Variants in CLDN14 observed in about 807,000 individuals in gnomAD.
CLDN14 encodes claudin 14.
In CLDN14, 2 loss-of-function variants were observed where a neutral mutation model predicts 2.1. That is an observed-to-expected ratio of 0.96 (90% confidence interval 0.39 to 3.01). CLDN14 has a LOEUF of 3.01. Ranked by LOEUF, CLDN14 falls within the 30% of genes most tolerant of loss-of-function variation. The probability of loss-of-function intolerance (pLI) is 0.09; values close to 1 mark genes in which losing one functional copy is unlikely to be tolerated. For synonymous variants in CLDN14, 136 were observed against 154.4 expected, an observed-to-expected ratio of 0.88 and a Z score of 0.88; for missense variants, 298 against 328.0, an observed-to-expected ratio of 0.91 and a Z score of 0.71.
intron 2 of CLDN14, among the ~76,000 whole-genome samples, chr21:36,501,854 G>A (rs889446327): frequency 6.6e-6 from 1 of 151,942 alleles, no homozygotes; most frequent in African/African-American, 2.4e-5. Flanking sequence ...AAAAGTGAAT[G>A]TATTTTAGGA....
intron 2 of CLDN14, chr21:36,486,300 T>A: frequency 1.2e-6 from 1 of 800,826 alleles, no homozygotes; most frequent in South Asian, 1.4e-5. Flanking sequence ...GCCAAACTCT[T>A]GTTGGCTAAT....
intron 2 of CLDN14, among the ~76,000 whole-genome samples, chr21:36,488,424 G>A (rs985535318): frequency 3.0e-4 from 46 of 151,942 alleles, no homozygotes; most frequent in African/African-American, 7.5e-4. Flanking sequence ...GGCACGTGCC[G>A]CCATGCCCAG....
intron 2 of CLDN14, among the ~76,000 whole-genome samples, chr21:36,489,303 T>C (rs2086937479): frequency 6.6e-6 from 1 of 151,364 alleles, no homozygotes; most frequent in African/African-American, 2.4e-5. Flanking sequence ...GTCCACTTGT[T>C]TAGGAGTAAG....
At chr21:36,528,919 C>T (rs1340337883) in intron 1 of CLDN14, among the ~76,000 whole-genome samples, 3 of 152,304 alleles carry the variant, frequency 2.0e-5, no homozygotes, top group South Asian at 2.1e-4. Flanking sequence ...CTGAGGAGGA[C>T]GCGAGCTCGG....
At chr21:36,538,937 C>A (rs1438311279) in intron 1 of CLDN14, among the ~76,000 whole-genome samples, 1 of 152,206 alleles carries the variant, frequency 6.6e-6, no homozygotes, top group Non-Finnish European at 1.5e-5. Context: ...GAGTCCCAGT[C>A]GCGCCCCTGC....
In CLDN14 at chr21:36,486,332, G is replaced by A. The variant is rs780148893; in HGVS notation, c.-82+24031C>T. On this transcript the variant is annotated intron_variant, in intron 2 of 2. Transcript: ENST00000342108. ...TAATGGTCATCTTCAGCAGGACCTC[G>A]TCTGAGCCTTCAGTCCCAGTTGTAG... 45 of 828,852 alleles carry A rather than the reference G, an allele frequency of 5.4e-5. No individual in the cohort carries two copies. The Admixed American group carries it at 6.4e-4, about 12-fold the overall frequency. The allele number at this position is 828,852 out of a possible 1,614,324, so 51.3% of individuals were successfully genotyped here.
chr21:36,561,325 T>C (rs413852), intron 1 of CLDN14, among the ~76,000 whole-genome samples: 113,515 of 152,164 alleles, frequency 0.75, 43,932 homozygotes, highest in Non-Finnish European at 0.87. Flanking sequence ...GGCAGCCACA[T>C]GATGTCCATG....
intron 1 of CLDN14, among the ~76,000 whole-genome samples, chr21:36,555,719 A>G (rs983772860): frequency 6.6e-6 from 1 of 151,928 alleles, no homozygotes. Context: ...CTCCATTTTT[A>G]GCTTTACCAG....
intron 2 of CLDN14, among the ~76,000 whole-genome samples, chr21:36,485,556 C>T (rs544829461): frequency 7.2e-5 from 11 of 152,306 alleles, no homozygotes; most frequent in East Asian, 1.9e-4. Context: ...CTGTCACCAG[C>T]GATACCTGAG....
At chr21:36,476,457 T>A (rs2146441998) in intron 1 of CLDN14, among the ~76,000 whole-genome samples, 1 of 149,062 alleles carries the variant, frequency 6.7e-6, no homozygotes, top group Non-Finnish European at 1.5e-5. Context: ...GGATGACTAT[T>A]TTTTTTTTTT....
intron 1 of CLDN14, among the ~76,000 whole-genome samples, chr21:36,552,437 TTTATG>T (rs1188960978): frequency 1.3e-5 from 2 of 151,920 alleles, no homozygotes; most frequent in Non-Finnish European, 2.9e-5. Context: ...CACTTAGGGG[TTTATG>T]TTATATTTAT....
Position 36,460,675 on chromosome 21 carries a change from C to T in CLDN14, c.*301G>A. On this transcript the variant is annotated 3_prime_UTR_variant, in exon 2 of 2. Coordinates refer to ENST00000399135, the MANE Select transcript of CLDN14 (RefSeq NM_001146079.2). The surrounding 1 kb of genome is among the most constrained non-coding windows in gnomAD (Gnocchi z 4.0). ...ATTCCTGGATCACAAACCAACCCCACTGACCAAACTCCCAAGTCACTTTAT... is the reference window on the plus strand; with the variant it reads ...ATTCCTGGATCACAAACCAACCCCATTGACCAAACTCCCAAGTCACTTTAT... 1 of 335,944 alleles carries T rather than the reference C, an allele frequency of 3.0e-6. No homozygotes were observed. The allele number at this position is 335,944 out of a possible 1,614,324, so 20.8% of individuals were successfully genotyped here.
At position 36,553,596 on chromosome 21, in the gene CLDN14, G is replaced by A. The variant is rs183760767; in HGVS notation, c.-220+22815C>T. On this transcript the variant is annotated intron_variant, in intron 1 of 2. Transcript: ENST00000342108. ...TTGGAGACTCCTTAGGAAGGGAGGT[G>A]GTTGGGTGGGATGCCCCACACTTCG... is the stretch of plus-strand genomic sequence containing the variant. 4.5e-3 allele frequency among the ~76,000 whole-genome samples: 691 copies of A among 152,066 alleles called. 4 individuals are homozygous for A. Among genetic ancestry groups the A allele is most frequent in the Middle Eastern group, 0.01 (3 of 294 alleles).
intron 1 of CLDN14, among the ~76,000 whole-genome samples, chr21:36,529,278 A>T (rs1185093183): frequency 1.3e-5 from 2 of 151,698 alleles, no homozygotes; most frequent in Non-Finnish European, 2.9e-5. Flanking sequence ...CTGTGCAGGT[A>T]AAAAAAACCA....
chr21:36,477,690 A>G (rs915681161), intron 1 of CLDN14: 1 of 152,216 alleles, frequency 6.6e-6, no homozygotes, highest in Non-Finnish European at 1.5e-5. Flanking sequence ...AAGTGAGTGA[A>G]TGAGCCTCAG....
In CLDN14 at chr21:36,518,615, A is replaced by AAACAAAC. The variant is rs757791257; in HGVS notation, c.-219-8116_-219-8115insGTTTGTT. Among the ~76,000 whole-genome samples the AAACAAAC allele has an allele frequency of 2.6e-3, 398 of 152,080 alleles. 1 individual carries two copies. The highest frequency in any genetic ancestry group is 4.8e-3 in the Non-Finnish European group (326 of 67,972). The stretch of plus-strand genomic sequence containing the variant: ...CTCTGTCTCAAACAAACAAACAAAC[A>AAACAAAC]AACAACAACAACAAAATTTACACTT... On this transcript the variant is annotated intron_variant, in intron 1 of 2. Transcript: ENST00000342108.
At chr21:36,505,808 T>C (rs1449878120) in intron 2 of CLDN14, among the ~76,000 whole-genome samples, 1 of 152,178 alleles carries the variant, frequency 6.6e-6, no homozygotes, top group Admixed American at 6.5e-5. Flanking sequence ...CTTCCTGGTT[T>C]GATCCACCCA....
intron 1 of CLDN14, among the ~76,000 whole-genome samples, chr21:36,538,435 G>A (rs948009913): frequency 6.6e-6 from 1 of 152,142 alleles, no homozygotes; most frequent in African/African-American, 2.4e-5. Context: ...CCAACATAGT[G>A]AAACCCCGTC....
In CLDN14 at chr21:36,475,737, C is replaced by CTTTT. The variant is rs557800353; in HGVS notation, c.-82+3754_-82+3757dup. 4.6e-3 allele frequency among the ~76,000 whole-genome samples: 703 copies of CTTTT among 152,110 alleles called. 6 individuals carry two copies. The highest frequency in any genetic ancestry group is 0.015 in the African/African-American group (637 of 41,462). ...AGCCCCGCTGGCTTCATTGATTTAA[C>CTTTT]TTTTTTTATTTTATTTTATTTTATT... On this transcript the variant is annotated intron_variant, in intron 1 of 1. Transcript: ENST00000399135.
Sources: allele counts gnomAD v4.1 joint callset (sites outside exome capture counted in the v4.1 genomes callset), GRCh38; gene constraint gnomAD v4.1.1; non-coding constraint Gnocchi (gnomAD v3.1); transcripts MANE v1.5; gene names NCBI Gene and HGNC (gene_info 2026-07-23, HGNC 2026-07-21).